Variants in GHR observed in about 807,000 individuals in gnomAD.
GHR encodes GH receptor.
Under a neutral mutation model 67.1 loss-of-function variants are expected in GHR, and 35 were observed. The ratio of observed to expected loss-of-function variants is 0.52; its 90% confidence interval spans 0.40 to 0.69. The LOEUF (loss-of-function observed/expected upper bound fraction) is 0.69, where lower values mean the gene tolerates loss of function less well. Ranked by LOEUF, GHR falls within the 30% of genes least tolerant of loss-of-function variation. GHR has a pLI of 0.00. For missense variants in GHR, 792 were observed against 764.6 expected (o/e 1.04, Z -0.42); for synonymous variants, 272 against 269.1 (o/e 1.01, Z -0.10).
intron 3 of GHR, among the ~76,000 whole-genome samples, chr5:42,672,323 A>C (rs1756358157): frequency 1.3e-5 from 2 of 152,210 alleles, no homozygotes; most frequent in African/African-American, 4.8e-5. Flanking sequence ...AATGTGCAAA[A>C]ATCAGTAGCA....
chr5:42,514,108 C>G, intron 1 of GHR: 1 of 984,804 alleles, frequency 1.0e-6, no homozygotes, highest in Non-Finnish European at 1.2e-6. Flanking sequence ...TTAACCAGAA[C>G]TGACCTTGAA....
intron 1 of GHR, among the ~76,000 whole-genome samples, chr5:42,497,080 G>A (rs1461627631): frequency 6.6e-6 from 1 of 152,050 alleles, no homozygotes; most frequent in Non-Finnish European, 1.5e-5. Context: ...ATATCTGCCT[G>A]GTGTCCTATT....
At chr5:42,659,040 G>A (rs977775585) in intron 3 of GHR, among the ~76,000 whole-genome samples, 4 of 152,110 alleles carry the variant, frequency 2.6e-5, no homozygotes, top group Non-Finnish European at 5.9e-5. Flanking sequence ...ACATTTTCTT[G>A]GAGGTCAACA....
chr5:42,579,255 T>C (rs1187037784), intron 2 of GHR, among the ~76,000 whole-genome samples: 2 of 152,162 alleles, frequency 1.3e-5, no homozygotes, highest in Non-Finnish European at 2.9e-5. Flanking sequence ...CCAAAGAGAT[T>C]GACAAAGAGA....
At position 42,605,244 on chromosome 5, in the gene GHR, C is replaced by G. The variant is rs1287986083; in HGVS notation, c.71-23794C>G. The stretch of plus-strand genomic sequence containing the variant: ...TCAGCCTCCCGAGTAGCTGGGATTA[C>G]AGGCATGCACCAACACGCCCGGCTA... On this transcript the variant is annotated intron_variant, in intron 2 of 9. Transcript: ENST00000230882. Among the ~76,000 whole-genome samples the G allele has an allele frequency of 5.9e-5, 9 of 151,944 alleles. No individual in the cohort carries two copies. The East Asian group carries it at 1.7e-3, about 29-fold the overall frequency.
At chr5:42,468,314 C>T (rs1410473916) in intron 1 of GHR, 1 of 1,569,092 alleles carries the variant, frequency 6.4e-7, no homozygotes, top group Non-Finnish European at 8.7e-7. Context: ...TCTCTCAATT[C>T]TGCAGTCATC....
intron 1 of GHR, among the ~76,000 whole-genome samples, chr5:42,502,772 A>AAG (rs1265344186): frequency 2.0e-5 from 3 of 148,664 alleles, no homozygotes; most frequent in African/African-American, 7.3e-5. Flanking sequence ...AAATGTCTTT[A>AAG]TGTATATATA....
In GHR at chr5:42,565,634, T is replaced by C. The variant is rs80207133; in HGVS notation, c.-11-230T>C. ...GGTATGAACATCTCTAGTGTTCATG[T>C]TATTTCCTGAGACTAGCACTCACGG... On this transcript the variant is annotated intron_variant, in intron 1 of 9. Coordinates refer to ENST00000230882, the MANE Select transcript of GHR (RefSeq NM_000163.5). 615 of 985,012 alleles carry C rather than the reference T, an allele frequency of 6.2e-4. 10 individuals are homozygous for C. The African/African-American group carries it at 0.01, about 17-fold the overall frequency. The allele number at this position is 985,012 out of a possible 1,614,324, so 61.0% of individuals were successfully genotyped here. A position where few individuals can be genotyped will look rare whatever the true frequency, so the allele number is the denominator to read the frequency against.
intron 3 of GHR, among the ~76,000 whole-genome samples, chr5:42,675,393 G>C (rs1398347313): frequency 6.6e-6 from 1 of 152,092 alleles, no homozygotes; most frequent in African/African-American, 2.4e-5. Flanking sequence ...GTCTCATTAC[G>C]AGTCAGTATG....
At chr5:42,448,067 G>A (rs757674384) in intron 1 of GHR, among the ~76,000 whole-genome samples, 7 of 152,014 alleles carry the variant, frequency 4.6e-5, no homozygotes, top group Admixed American at 6.6e-5. Context: ...CCGCACAAGT[G>A]TCTTTTTCAT....
chr5:42,592,642 T>C (rs1484573888), intron 2 of GHR, among the ~76,000 whole-genome samples: 2 of 152,226 alleles, frequency 1.3e-5, no homozygotes, highest in African/African-American at 4.8e-5. Context: ...ATGTATCACA[T>C]TTTCTTTATC....
intron 2 of GHR, among the ~76,000 whole-genome samples, chr5:42,606,764 C>T (rs59707000): frequency 0.028 from 4,257 of 152,202 alleles, 158 homozygotes; most frequent in African/African-American, 0.085. Flanking sequence ...TGGGCAGCAG[C>T]TGGGAAAGTG....
intron 1 of GHR, among the ~76,000 whole-genome samples, chr5:42,462,645 T>C (rs779699192): frequency 1.3e-5 from 2 of 152,148 alleles, no homozygotes; most frequent in Non-Finnish European, 2.9e-5. Flanking sequence ...TGGTTTATTA[T>C]GGTTAAGAGT....
chr5:42,620,758 G>C (rs1002956226), intron 2 of GHR, among the ~76,000 whole-genome samples: 1 of 152,134 alleles, frequency 6.6e-6, no homozygotes. Flanking sequence ...GGTGGCTCCA[G>C]CACGCTACCT....
intron 4 of GHR, 119 bp downstream of exon 4, chr5:42,689,138 T>C (rs936116532): frequency 1.3e-5 from 12 of 925,882 alleles, no homozygotes; most frequent in Non-Finnish European, 2.2e-5. Flanking sequence ...TCAATGAATA[T>C]TCATTCACTC....
chr5:42,660,292 A>G (rs867904321), intron 3 of GHR, among the ~76,000 whole-genome samples: 16 of 152,302 alleles, frequency 1.1e-4, no homozygotes, highest in Admixed American at 4.6e-4. Context: ...ATCTGAGAAC[A>G]GGCAGACTGC....
chr5:42,516,216 T>C (rs1232151324), intron 1 of GHR, among the ~76,000 whole-genome samples: 1 of 152,208 alleles, frequency 6.6e-6, no homozygotes, highest in Non-Finnish European at 1.5e-5. Flanking sequence ...GCCACCTTGA[T>C]TTCCACCTTT....
chr5:42,623,134 T>C lies in GHR; in HGVS notation c.71-5904T>C, dbSNP rs34349407. Among the ~76,000 whole-genome samples the C allele has an allele frequency of 7.2e-5, 11 of 152,298 alleles. No homozygotes were observed. The East Asian group carries it at 2.1e-3, about 29-fold the overall frequency. ...TATAACACTTACTTATCACTAATTA[T>C]ATTGTAAATGAAATGATTTGCATGT... On this transcript the variant is annotated intron_variant, in intron 2 of 9. Coordinates refer to ENST00000230882, the MANE Select transcript of GHR (RefSeq NM_000163.5).
chr5:42,631,627 C>T (rs1561182413), intron 3 of GHR, among the ~76,000 whole-genome samples: 1 of 152,174 alleles, frequency 6.6e-6, no homozygotes, highest in Admixed American at 6.5e-5. Flanking sequence ...AAGGAGCTCA[C>T]ATTCTCCCTA....
Sources: allele counts gnomAD v4.1 joint callset (sites outside exome capture counted in the v4.1 genomes callset), GRCh38; gene constraint gnomAD v4.1.1; transcripts MANE v1.5; gene names NCBI Gene and HGNC (gene_info 2026-07-23, HGNC 2026-07-21).